UGT1A5: variants seen among roughly 807,000 people sequenced by gnomAD.
The protein encoded by UGT1A5 is UDP-glucuronosyltransferase 1A5.
In UGT1A5, 29 loss-of-function variants were observed where a neutral mutation model predicts 40.3. That is an observed-to-expected ratio of 0.72 (90% CI 0.54 to 0.98). The LOEUF is 0.98. Among genes scored for constraint, UGT1A5 ranks in the 50% least tolerant of loss-of-function variants. UGT1A5 has a pLI of 0.00. For missense variants in UGT1A5, 678 were observed against 677.9 expected, an observed-to-expected ratio of 1.00 and a Z score of 0.00; for synonymous variants, 257 against 262.5, an observed-to-expected ratio of 0.98 and a Z score of 0.20.
chr2:233,747,635 GA>G (rs1268887921), intron 1 of UGT1A5: 1 of 1,581,650 alleles, frequency 6.3e-7, no homozygotes, highest in African/African-American at 1.4e-5. Flanking sequence ...TCAGGCACCT[GA>G]ATGCTACTTC....
chr2:233,729,231 C>T (rs777258735), intron 1 of UGT1A5: 1 of 1,614,178 alleles, frequency 6.2e-7, no homozygotes, highest in East Asian at 2.2e-5. Context: ...TGGTGGTGCC[C>T]ATTGATGGCA....
At chr2:233,729,133 A>C (rs1363274885) in intron 1 of UGT1A5, 1 of 1,613,118 alleles carries the variant, frequency 6.2e-7, no homozygotes, top group Non-Finnish European at 8.5e-7. Flanking sequence ...TGAGATGGCC[A>C]CAGGACTCCA....
rs191471887 is a variant in UGT1A5, at chr2:233,760,476, C to T, written c.868-6558C>T. 6.3e-5 allele frequency: 102 copies of T among 1,614,200 alleles called. 1 individual carries two copies. In the East Asian group the frequency reaches 1.9e-3, roughly 30 times the overall value. On this transcript the variant is annotated intron_variant, in intron 1 of 4. Transcript: ENST00000373414. ...ATGAAATAGTTGTCCTAGCACCTGA[C>T]GCCTCGTTGTACATCAGAGACGGAG...
chr2:233,767,214 T>A (rs1420134896), intron 2 of UGT1A5, 49 bp downstream of exon 2: 25 of 1,612,300 alleles, frequency 1.6e-5, no homozygotes, highest in Non-Finnish European at 2.1e-5. Flanking sequence ...ACAGGAGCGC[T>A]AATCCCAGAC....
Position 233,748,426 on chromosome 2 carries a change from G to A in UGT1A5, c.868-18608G>A, listed in dbSNP as rs1479085626. Among the ~76,000 whole-genome samples the A allele has an allele frequency of 3.3e-5, 5 of 151,758 alleles. 1 individual carries two copies. The highest frequency in any genetic ancestry group is 7.3e-5 in the African/African-American group (3 of 41,072). ...CACTACATTGAGACTTGACCCATCTGGATTTTTTGTTTGCACAATTTTCAG... is the reference window on the plus strand; with the variant it reads ...CACTACATTGAGACTTGACCCATCTAGATTTTTTGTTTGCACAATTTTCAG... On this transcript the variant is annotated intron_variant, in intron 1 of 4. Transcript: ENST00000373414.
chr2:233,757,535 A>AATATATATACATATACATATATATAT lies in UGT1A5; in HGVS notation c.868-9490_868-9489insCATATACATATATATATATATATATA, dbSNP rs376887521. On this transcript the variant is annotated intron_variant, in intron 1 of 4. Transcript: ENST00000373414. ...CAAAGCCAAAATCTTGCCTGTAAGG[A>AATATATATACATATACATATATATAT]ATATATATATATATATATATATATA... 7.4e-3 allele frequency among the ~76,000 whole-genome samples: 638 copies of AATATATATACATATACATATATATAT among 85,730 alleles called. 7 individuals carry two copies. Among genetic ancestry groups the AATATATATACATATACATATATATAT allele is most frequent in the African/African-American group, 0.011 (216 of 19,360 alleles). 56.2% of individuals were successfully genotyped at this position (85,730 alleles called of 152,430 possible).
chr2:233,731,692 C>A (rs936290602), intron 1 of UGT1A5, among the ~76,000 whole-genome samples: 1 of 152,182 alleles, frequency 6.6e-6, no homozygotes. Context: ...CATTGATGGA[C>A]ATTTGGATTG....
intron 1 of UGT1A5, among the ~76,000 whole-genome samples, chr2:233,761,404 T>C (rs1310235983): frequency 6.6e-6 from 1 of 152,228 alleles, no homozygotes; most frequent in East Asian, 1.9e-4. Flanking sequence ...TAGTAATCAA[T>C]TAGAAACAAC....
chr2:233,755,430 C>T (rs1467633549), intron 1 of UGT1A5: 1 of 318,494 alleles, frequency 3.1e-6, no homozygotes, highest in African/African-American at 2.2e-5. Flanking sequence ...GCCTCGCATC[C>T]CAAGATGCAG....
intron 1 of UGT1A5, chr2:233,740,670 G>C (rs915333505): frequency 4.0e-5 from 6 of 151,870 alleles, no homozygotes; most frequent in African/African-American, 1.5e-4. Flanking sequence ...AGGTACAGGT[G>C]TTTCCATGGA....
chr2:233,716,467 G>A (rs376929517), intron 1 of UGT1A5, among the ~76,000 whole-genome samples: 1 of 151,558 alleles, frequency 6.6e-6, no homozygotes, highest in African/African-American at 2.4e-5. Context: ...TTTAATTTTT[G>A]TTTCTGTCCT....
Position 233,772,516 on chromosome 2 carries a change from A to T in UGT1A5, c.1562A>T (p.Lys521Ile). The T allele has an allele frequency of 1.2e-6, 2 of 1,614,208 alleles. No individual in the cohort carries two copies. Among genetic ancestry groups the T allele is most frequent in the Non-Finnish European group, 1.7e-6 (2 of 1,180,034 alleles). Reference protein sequence around the residue: ...CAYGYRKCLGKKGRVKKAHKS... With the variant: ...CAYGYRKCLGIKGRVKKAHKS... ...TATGGCTACCGGAAATGCTTGGGGAAAAAAGGGCGAGTTAAGAAAGCCCAC... is the reference window on the plus strand; with the variant it reads ...TATGGCTACCGGAAATGCTTGGGGATAAAAGGGCGAGTTAAGAAAGCCCAC... The change falls in exon 5 of 5, where the codon AAA becomes ATA. Residue 521 changes from lysine (K) to isoleucine (I), a missense_variant. By Grantham distance (102) the Lys-to-Ile change is moderately radical. Transcript: ENST00000373414.
At position 233,729,391 on chromosome 2, in the gene UGT1A5, T is replaced by C. The variant is rs1264943751; in HGVS notation, c.867+15533T>C. On this transcript the variant is annotated intron_variant, in intron 1 of 4. Transcript: ENST00000373414. ...TGCCATTTCGTGGACCCAGGATGAA[T>C]TTGATCGCCATGTGCTGGGCCACAC... 6.2e-7 allele frequency: 1 copy of C among 1,613,898 alleles called. No individual in the cohort carries two copies. Among genetic ancestry groups the C allele is most frequent in the Non-Finnish European group, 8.5e-7 (1 of 1,179,836 alleles).
At chr2:233,732,043 G>A (rs879000369) in intron 1 of UGT1A5, among the ~76,000 whole-genome samples, 3 of 152,324 alleles carry the variant, frequency 2.0e-5, no homozygotes, top group African/African-American at 7.2e-5. Context: ...CAGTGATGAT[G>A]AGCATTTATT....
chr2:233,726,932 C>A (rs1467688667), intron 1 of UGT1A5, among the ~76,000 whole-genome samples: 1 of 151,974 alleles, frequency 6.6e-6, no homozygotes, highest in East Asian at 1.9e-4. Flanking sequence ...TTCCTTTTTT[C>A]ATTTTTAAAA....
At chr2:233,733,635 C>T (rs2078423363) in intron 1 of UGT1A5, among the ~76,000 whole-genome samples, 1 of 152,186 alleles carries the variant, frequency 6.6e-6, no homozygotes, top group African/African-American at 2.4e-5. Flanking sequence ...TTGAACCAGC[C>T]TTGCATCCCA....
At chr2:233,750,281 G>C (rs1417802179) in intron 1 of UGT1A5, among the ~76,000 whole-genome samples, 1 of 151,952 alleles carries the variant, frequency 6.6e-6, no homozygotes, top group Non-Finnish European at 1.5e-5. Context: ...CAAAGAGACT[G>C]GTGGCATTTT....
chr2:233,762,200 T>G (rs1698000508), intron 1 of UGT1A5, among the ~76,000 whole-genome samples: 1 of 152,188 alleles, frequency 6.6e-6, no homozygotes, highest in African/African-American at 2.4e-5. Flanking sequence ...TGGGTCTGCA[T>G]GTATTTGGCG....
intron 1 of UGT1A5, chr2:233,753,251 C>T (rs1242257828): frequency 6.6e-6 from 1 of 152,206 alleles, no homozygotes; most frequent in African/African-American, 2.4e-5. Flanking sequence ...TAAGAAGCAA[C>T]TACCCAGGCA....
Sources: allele counts gnomAD v4.1 joint callset (sites outside exome capture counted in the v4.1 genomes callset), GRCh38; gene constraint gnomAD v4.1.1; transcripts MANE v1.5; gene names NCBI Gene and HGNC (gene_info 2026-07-23, HGNC 2026-07-21).